The following PPARGC1A variants were observed in gnomAD, a reference collection of about 807,000 sequenced individuals.
The protein encoded by PPARGC1A is PPARG coactivator 1 alpha.
In PPARGC1A, 25 loss-of-function variants were observed where a neutral mutation model predicts 88.7. That is an observed-to-expected ratio of 0.28 (90% CI 0.21 to 0.39). The LOEUF is 0.39. Ranked by LOEUF, PPARGC1A falls within the 10% of genes least tolerant of loss-of-function variation. PPARGC1A has a pLI of 1.00. For synonymous variants in PPARGC1A, 363 were observed against 355.6 expected, an observed-to-expected ratio of 1.02 and a Z score of -0.24; for missense variants, 880 against 968.7, an observed-to-expected ratio of 0.91 and a Z score of 1.22.
the PPARGC1A span, among the ~76,000 whole-genome samples, chr4:24,226,239 G>A: frequency 6.6e-6 from 1 of 152,122 alleles, no homozygotes; most frequent in Non-Finnish European, 1.5e-5. Context: ...CCGGGCTGTG[G>A]GATCACAGGA....
chr4:24,469,443 C>T, the PPARGC1A span, among the ~76,000 whole-genome samples: 3 of 152,182 alleles, frequency 2.0e-5, no homozygotes, highest in Non-Finnish European at 2.9e-5. Flanking sequence ...ATTAAAGCTT[C>T]GGTAGCATCT....
the PPARGC1A span, among the ~76,000 whole-genome samples, chr4:23,938,015 A>G: frequency 1.3e-5 from 2 of 152,184 alleles, no homozygotes; most frequent in African/African-American, 4.8e-5. Flanking sequence ...GGTGGGTCCA[A>G]AAGAAACTAT....
the PPARGC1A span, among the ~76,000 whole-genome samples, chr4:23,966,937 G>A: frequency 1.3e-5 from 2 of 152,138 alleles, no homozygotes; most frequent in Non-Finnish European, 2.9e-5. Context: ...GTGAGGCCAT[G>A]CATCTCCCAA....
chr4:24,291,235 C>A, the PPARGC1A span, among the ~76,000 whole-genome samples: 2 of 152,198 alleles, frequency 1.3e-5, no homozygotes, highest in African/African-American at 4.8e-5. Flanking sequence ...ACCTCTGGGC[C>A]TGACAAAACT....
chr4:24,243,674 A>G, the PPARGC1A span, among the ~76,000 whole-genome samples: 1 of 152,182 alleles, frequency 6.6e-6, no homozygotes, highest in Non-Finnish European at 1.5e-5. Flanking sequence ...ATAGGTGTGA[A>G]GGCTGAAAGA....
chr4:24,026,392 C>T, the PPARGC1A span, among the ~76,000 whole-genome samples: 1 of 152,168 alleles, frequency 6.6e-6, no homozygotes, highest in Admixed American at 6.6e-5. Context: ...TAGAGATTAT[C>T]TGTTATCCAG....
chr4:23,795,051 AAAAGAG>A lies in PPARGC1A; in HGVS notation c.*765_*770del, dbSNP rs1560302527. ...CCATGGCAAAAGGAAAAAGAAAAAA[AAAAGAG>A]AGAGAGAGAGAGAGAGAGAGAGACA... On this transcript the variant is annotated 3_prime_UTR_variant, in exon 13 of 13. Coordinates refer to ENST00000264867, the MANE Select transcript of PPARGC1A (RefSeq NM_013261.5). The A allele has an allele frequency of 6.7e-6, 1 of 148,444 alleles. No individual in the cohort carries two copies. The highest frequency in any genetic ancestry group is 2.5e-5 in the African/African-American group (1 of 39,758). The allele number at this position is 148,444 out of a possible 1,614,324, so 9.2% of individuals were successfully genotyped here.
chr4:23,974,150 T>C, the PPARGC1A span, among the ~76,000 whole-genome samples: 1,767 of 152,206 alleles, frequency 0.012, 33 homozygotes, highest in African/African-American at 0.04. Flanking sequence ...CAATATTTAT[T>C]GAGAATCCAA....
chr4:24,336,243 T>A, the PPARGC1A span, among the ~76,000 whole-genome samples: 1 of 152,164 alleles, frequency 6.6e-6, no homozygotes, highest in Non-Finnish European at 1.5e-5. Context: ...GTGCTTTGTG[T>A]CACACTGTCA....
At chr4:24,331,424 T>G in the PPARGC1A span, among the ~76,000 whole-genome samples, 1 of 152,272 alleles carries the variant, frequency 6.6e-6, no homozygotes, top group African/African-American at 2.4e-5. Flanking sequence ...CACCATCTCC[T>G]TATCCTGCAT....
At chr4:24,231,504 A>T in the PPARGC1A span, among the ~76,000 whole-genome samples, 1 of 152,110 alleles carries the variant, frequency 6.6e-6, no homozygotes, top group South Asian at 2.1e-4. Context: ...ATCCCAAAGG[A>T]CCCAAGCCCA....
At chr4:24,344,503 T>G in the PPARGC1A span, among the ~76,000 whole-genome samples, 1 of 152,114 alleles carries the variant, frequency 6.6e-6, no homozygotes, top group African/African-American at 2.4e-5. Flanking sequence ...ATCATTAGTG[T>G]TGTTGAGCAT....
At chr4:23,898,519 T>C (rs1237206465) in intron 1 of PPARGC1A, among the ~76,000 whole-genome samples, 1 of 152,178 alleles carries the variant, frequency 6.6e-6, no homozygotes, top group Non-Finnish European at 1.5e-5. Context: ...GTCAGGACAA[T>C]GCCTTGATAA....
At chr4:24,151,414 T>C in the PPARGC1A span, among the ~76,000 whole-genome samples, 5 of 152,108 alleles carry the variant, frequency 3.3e-5, no homozygotes, top group Non-Finnish European at 7.3e-5. Flanking sequence ...TATAAGGGCA[T>C]CTCGTCATGA....
the PPARGC1A span, among the ~76,000 whole-genome samples, chr4:24,067,416 G>T: frequency 6.6e-6 from 1 of 152,244 alleles, no homozygotes; most frequent in Non-Finnish European, 1.5e-5. Flanking sequence ...TGCCCCCAAA[G>T]GGACGCCTCT....
the PPARGC1A span, among the ~76,000 whole-genome samples, chr4:24,226,330 A>G: frequency 6.6e-6 from 1 of 152,078 alleles, no homozygotes; most frequent in Non-Finnish European, 1.5e-5. Context: ...CCTCTTTAAT[A>G]GATGTTCGCC....
At chr4:24,104,468 C>T in the PPARGC1A span, among the ~76,000 whole-genome samples, 3 of 152,104 alleles carry the variant, frequency 2.0e-5, no homozygotes, top group Admixed American at 6.5e-5. Context: ...TGAACAAATA[C>T]GTGTTATTTG....
the PPARGC1A span, among the ~76,000 whole-genome samples, chr4:24,383,017 T>C: frequency 1.3e-5 from 2 of 152,170 alleles, no homozygotes; most frequent in African/African-American, 4.8e-5. Flanking sequence ...GGGAAGAAGC[T>C]TCCAGAGGAA....
chr4:24,265,893 GGGAAA>G, the PPARGC1A span, among the ~76,000 whole-genome samples: 8 of 146,916 alleles, frequency 5.4e-5, no homozygotes, highest in African/African-American at 2.1e-4. Flanking sequence ...GGAGGAAAAG[GGGAAA>G]GGAGAGAGGA....
Sources: allele counts gnomAD v4.1 joint callset (sites outside exome capture counted in the v4.1 genomes callset), GRCh38; gene constraint gnomAD v4.1.1; transcripts MANE v1.5; gene names NCBI Gene and HGNC (gene_info 2026-07-23, HGNC 2026-07-21).